The following ZFP64 variants were observed in gnomAD, a reference collection of about 807,000 sequenced individuals.
ZFP64 encodes ZFP64 zinc finger protein.
ZFP64 carries 14 observed loss-of-function variants against 51.6 expected under a neutral mutation model. The observed-to-expected ratio is 0.27, with a 90% CI of 0.18 to 0.42. The LOEUF (loss-of-function observed/expected upper bound fraction) is 0.42. Among genes scored for constraint, ZFP64 ranks in the 10% least tolerant of loss-of-function variants. The probability of loss-of-function intolerance (pLI) is 1.00; values close to 1 mark genes in which losing one functional copy is unlikely to be tolerated. For missense variants in ZFP64, 754 were observed against 906.8 expected (o/e 0.83, Z 2.16); for synonymous variants, 375 against 361.4 (o/e 1.04, Z -0.43).
chr20:52,142,668 T>C (rs28750481), intron 5 of ZFP64, among the ~76,000 whole-genome samples: 325 of 102,834 alleles, frequency 3.2e-3, no homozygotes, highest in South Asian at 9.1e-3. Flanking sequence ...GGTGAAACCC[T>C]GTCTCTACTA....
intron 7 of ZFP64, among the ~76,000 whole-genome samples, chr20:52,091,475 G>GC (rs2078926127): frequency 6.6e-6 from 1 of 152,160 alleles, no homozygotes; most frequent in African/African-American, 2.4e-5. Flanking sequence ...ATCAATTTTA[G>GC]CATCAGGCAA....
intron 2 of ZFP64, among the ~76,000 whole-genome samples, chr20:52,171,239 A>G (rs917887274): frequency 1.3e-5 from 2 of 152,272 alleles, no homozygotes; most frequent in Admixed American, 6.5e-5. Flanking sequence ...CACCCCAGGG[A>G]AAGGCTTATG....
chr20:52,186,647 T>C (rs1451043467), intron 2 of ZFP64, among the ~76,000 whole-genome samples, 185 bp downstream of exon 2: 1 of 152,168 alleles, frequency 6.6e-6, no homozygotes, highest in African/African-American at 2.4e-5. Context: ...TAACAGTTAA[T>C]GTTTTAACCT....
intron 5 of ZFP64, among the ~76,000 whole-genome samples, chr20:52,127,825 T>C (rs1272973806): frequency 6.6e-6 from 1 of 152,206 alleles, no homozygotes; most frequent in Non-Finnish European, 1.5e-5. Context: ...ATCCAGATAT[T>C]GAACACTGTC....
At chr20:52,190,258 T>G (rs1984275044) in intron 1 of ZFP64, among the ~76,000 whole-genome samples, 1 of 152,204 alleles carries the variant, frequency 6.6e-6, no homozygotes, top group Non-Finnish European at 1.5e-5. Context: ...CTTGCATTGC[T>G]GACGATTCCT....
chr20:52,087,827 A>G (rs575707754), intron 8 of ZFP64, among the ~76,000 whole-genome samples: 2 of 152,304 alleles, frequency 1.3e-5, no homozygotes, highest in South Asian at 4.1e-4. Context: ...GCTGGGACAC[A>G]GCTTTCTATA....
chr20:52,098,473 G>T (rs1362850228), exon 6 of ZFP64: 8 of 1,614,040 alleles, frequency 5.0e-6, no homozygotes, highest in South Asian at 3.3e-5. Context: ...CTCTCCAAGG[G>T]TGGCCATTTG....
exon 9 of ZFP64, chr20:52,084,443 C>T (rs1317901433): frequency 2.5e-5 from 26 of 1,055,894 alleles, no homozygotes; most frequent in Non-Finnish European, 3.5e-5. Flanking sequence ...GAAGTTGGAG[C>T]GGCCAGCCCC....
chr20:52,118,551 A>G (rs2122841496), intron 5 of ZFP64, among the ~76,000 whole-genome samples: 1 of 152,244 alleles, frequency 6.6e-6, no homozygotes, highest in East Asian at 1.9e-4. Context: ...GTGTCTCCTT[A>G]TCTTATGCCA....
At chr20:52,095,760 G>A (rs1420933757) in intron 7 of ZFP64, among the ~76,000 whole-genome samples, 1 of 152,134 alleles carries the variant, frequency 6.6e-6, no homozygotes, top group East Asian at 1.9e-4. Context: ...TCTTGGGGTC[G>A]AACCCAGCAC....
chr20:52,104,668 C>T (rs1165745733), intron 5 of ZFP64: 7 of 472,352 alleles, frequency 1.5e-5, no homozygotes, highest in African/African-American at 1.0e-4. Context: ...CAGCTCGCTC[C>T]CTCCCATCCT....
chr20:52,151,023 T>A (rs1980765055), downstream of ZFP64, among the ~76,000 whole-genome samples: 1 of 152,246 alleles, frequency 6.6e-6, no homozygotes, highest in African/African-American at 2.4e-5. Flanking sequence ...GTAGGAACTT[T>A]GATCATTTTT....
At chr20:52,183,553 G>A (rs550919479) in intron 2 of ZFP64, among the ~76,000 whole-genome samples, 9 of 152,250 alleles carry the variant, frequency 5.9e-5, no homozygotes, top group Admixed American at 2.0e-4. Context: ...CTTGGTCCTG[G>A]TGCAAAATAA....
At chr20:52,127,211 A>G (rs988325043) in intron 5 of ZFP64, among the ~76,000 whole-genome samples, 6 of 152,078 alleles carry the variant, frequency 3.9e-5, no homozygotes, top group African/African-American at 1.4e-4. Context: ...CGGCCTCCCA[A>G]AGTGCTGGGA....
At chr20:52,149,274 G>GAA (rs555406373), downstream of ZFP64, among the ~76,000 whole-genome samples, 12 of 96,776 alleles carry the variant, frequency 1.2e-4, no homozygotes, top group East Asian at 3.5e-4. Context: ...TCTACTTACA[G>GAA]AAAAAAAAAA....
intron 5 of ZFP64, among the ~76,000 whole-genome samples, chr20:52,112,740 G>A (rs997607348): frequency 4.0e-5 from 6 of 151,586 alleles, no homozygotes; most frequent in South Asian, 4.2e-4. Flanking sequence ...TTAGCCTCCC[G>A]AGTGGCTGGG....
chr20:52,115,941 T>G (rs1247577842), intron 5 of ZFP64, among the ~76,000 whole-genome samples: 1 of 151,698 alleles, frequency 6.6e-6, no homozygotes, highest in Non-Finnish European at 1.5e-5. Context: ...TTTAAGCGAT[T>G]CTCCTGCTTC....
At chr20:52,159,819 T>G (rs1423538845) in intron 5 of ZFP64, among the ~76,000 whole-genome samples, 1 of 152,156 alleles carries the variant, frequency 6.6e-6, no homozygotes, top group Non-Finnish European at 1.5e-5. Context: ...AAACCCCATC[T>G]CTACTAAAAA....
chr20:52,103,822 T>C (rs1229407811), intron 5 of ZFP64, among the ~76,000 whole-genome samples: 1 of 152,230 alleles, frequency 6.6e-6, no homozygotes, highest in Non-Finnish European at 1.5e-5. Flanking sequence ...CTATCCTGGT[T>C]ATGGTAGCTC....
Sources: allele counts gnomAD v4.1 joint callset (sites outside exome capture counted in the v4.1 genomes callset), GRCh38; gene constraint gnomAD v4.1.1; transcripts MANE v1.5; gene names NCBI Gene and HGNC (gene_info 2026-07-23, HGNC 2026-07-21).